The following ANKRD28 variants were observed in gnomAD, a reference collection of about 807,000 sequenced individuals.
ANKRD28 encodes the protein ankyrin repeat domain 28.
In ANKRD28, 44 loss-of-function variants were observed where a neutral mutation model predicts 126.5. That is an observed-to-expected ratio of 0.35 (90% CI 0.27 to 0.45). The LOEUF is 0.45. ANKRD28 is among the 20% of genes least tolerant of loss of function. The pLI is 1.00. For synonymous variants in ANKRD28, 442 were observed against 468.5 expected, an observed-to-expected ratio of 0.94 and a Z score of 0.73; for missense variants, 1,110 against 1,316.6, an observed-to-expected ratio of 0.84 and a Z score of 2.43.
At chr3:15,809,579 G>C (rs1422584479) in intron 1 of ANKRD28, among the ~76,000 whole-genome samples, 1 of 152,194 alleles carries the variant, frequency 6.6e-6, no homozygotes, top group African/African-American at 2.4e-5. Context: ...CACAATCCCA[G>C]TAAGCAAAAA....
intron 3 of ANKRD28, among the ~76,000 whole-genome samples, chr3:15,761,654 C>T (rs1575580026): frequency 6.6e-6 from 1 of 152,058 alleles, no homozygotes; most frequent in African/African-American, 2.4e-5. Context: ...AATTTGGATA[C>T]GATTAGTCTT....
At chr3:15,705,225 AT>A (rs1432024225) in intron 14 of ANKRD28, among the ~76,000 whole-genome samples, 1 of 152,200 alleles carries the variant, frequency 6.6e-6, no homozygotes, top group Admixed American at 6.5e-5. Context: ...AAAACTAGTG[AT>A]TTTAGTACTA....
chr3:15,826,215 A>G (rs1383131512), intron 1 of ANKRD28, among the ~76,000 whole-genome samples: 12 of 152,212 alleles, frequency 7.9e-5, no homozygotes, highest in Non-Finnish European at 1.5e-5. Flanking sequence ...ACAGCAGTTT[A>G]TTTGTATCAG....
In ANKRD28 at chr3:15,763,138, T is replaced by G. The variant is rs1457327682; in HGVS notation, c.280+3096A>C. Reference sequence around the variant, plus strand: ...TCCAGCTAATTTTACTCCAAACCCATGTAAGTTTTTGTTTTATTTTTCCTA... The same window carrying G: ...TCCAGCTAATTTTACTCCAAACCCAGGTAAGTTTTTGTTTTATTTTTCCTA... On this transcript the variant is annotated intron_variant, in intron 3 of 27. Transcript: ENST00000683139. Among the ~76,000 whole-genome samples the G allele has an allele frequency of 3.3e-5, 5 of 152,342 alleles. No homozygotes were observed. The East Asian group carries it at 9.6e-4, about 29-fold the overall frequency.
intron 1 of ANKRD28, among the ~76,000 whole-genome samples, chr3:15,844,454 A>C (rs927995659): frequency 3.3e-5 from 5 of 152,134 alleles, no homozygotes; most frequent in Admixed American, 6.5e-5. Flanking sequence ...CAGAGAAAAA[A>C]AAAACAAAAC....
chr3:15,728,626 A>C (rs1162934898), intron 6 of ANKRD28, among the ~76,000 whole-genome samples: 1 of 152,180 alleles, frequency 6.6e-6, no homozygotes, highest in Admixed American at 6.5e-5. Flanking sequence ...CTGGGAAACC[A>C]AAAAATCTTT....
At chr3:15,723,001 C>A (rs1248805107) in intron 7 of ANKRD28, among the ~76,000 whole-genome samples, 1 of 152,116 alleles carries the variant, frequency 6.6e-6, no homozygotes. Context: ...TAAGTCTGGC[C>A]ACTTATTTTG....
At chr3:15,718,271 C>T (rs1033707132) in intron 8 of ANKRD28, among the ~76,000 whole-genome samples, 6 of 152,130 alleles carry the variant, frequency 3.9e-5, no homozygotes, top group Admixed American at 2.0e-4. Flanking sequence ...ATGTCATACA[C>T]CCTTAGGTGA....
At chr3:15,687,229 C>T (rs1319229423) in intron 18 of ANKRD28, among the ~76,000 whole-genome samples, 1 of 152,084 alleles carries the variant, frequency 6.6e-6, no homozygotes, top group Non-Finnish European at 1.5e-5. Flanking sequence ...AGGCATGAGC[C>T]ACCGTGCCCA....
chr3:15,670,170 T>C lies in ANKRD28; in HGVS notation c.*100A>G. ...TTAACATTGGCTCACTGTGGGATCT[T>C]TCCTCTTAGGTTGAATTTCTACGTG... On this transcript the variant is annotated 3_prime_UTR_variant, in exon 28 of 28. Coordinates refer to ENST00000683139, the MANE Select transcript of ANKRD28 (RefSeq NM_001349278.2). The C allele has an allele frequency of 1.5e-6, 2 of 1,344,164 alleles. No homozygotes were observed. The highest frequency in any genetic ancestry group is 1.0e-6 in the Non-Finnish European group (1 of 988,144). 83.3% of individuals were successfully genotyped at this position (1,344,164 alleles called of 1,614,324 possible).
At chr3:15,813,103 C>T (rs1463888640) in intron 1 of ANKRD28, among the ~76,000 whole-genome samples, 1 of 150,576 alleles carries the variant, frequency 6.6e-6, no homozygotes, top group Non-Finnish European at 1.5e-5. Flanking sequence ...ATGGCTCAGG[C>T]CTGTAATCCT....
intron 2 of ANKRD28, among the ~76,000 whole-genome samples, chr3:15,774,933 GC>G (rs2059185587): frequency 6.6e-6 from 1 of 152,228 alleles, no homozygotes; most frequent in Non-Finnish European, 1.5e-5. Flanking sequence ...CTGGAGTGCA[GC>G]AGCACAATCT....
At chr3:15,759,149 G>A (rs2058325052) in intron 3 of ANKRD28, among the ~76,000 whole-genome samples, 1 of 152,172 alleles carries the variant, frequency 6.6e-6, no homozygotes, top group Admixed American at 6.5e-5. Context: ...GGTTGGGGGA[G>A]GAGGGTGGAA....
In ANKRD28 at chr3:15,691,838, G is replaced by T. The variant is rs111790122; in HGVS notation, c.1762-1618C>A. On this transcript the variant is annotated intron_variant, in intron 17 of 27. Transcript: ENST00000683139. ...TTAAATATAAAAGACAATATAAAAA[G>T]AAGAGTTTAGCCAGTTGTGGTGGCT... Among the ~76,000 whole-genome samples, 546 of 152,214 alleles carry T rather than the reference G, an allele frequency of 3.6e-3. 7 individuals are homozygous for T. Among genetic ancestry groups the T allele is most frequent in the African/African-American group, 0.013 (527 of 41,542 alleles).
chr3:15,824,407 C>T (rs1043357862), intron 1 of ANKRD28, among the ~76,000 whole-genome samples: 6 of 152,200 alleles, frequency 3.9e-5, no homozygotes, highest in South Asian at 4.1e-4. Context: ...CTGCCTGCCT[C>T]GGCCTCCCAT....
intron 1 of ANKRD28, among the ~76,000 whole-genome samples, chr3:15,852,413 A>G (rs1324198948): frequency 6.6e-6 from 1 of 152,230 alleles, no homozygotes; most frequent in Non-Finnish European, 1.5e-5. Flanking sequence ...GCCTTTTTAA[A>G]GTATTTTAAC....
intron 3 of ANKRD28, among the ~76,000 whole-genome samples, chr3:15,761,938 C>G (rs540152529): frequency 3.1e-3 from 477 of 152,134 alleles, no homozygotes; most frequent in Non-Finnish European, 4.8e-3. Context: ...GTAATCCCAG[C>G]ACTTTGGGAG....
chr3:15,796,511 A>G lies in ANKRD28; in HGVS notation c.11T>C (p.Val4Ala), dbSNP rs927199955. Residue 4 changes from valine to alanine, a missense_variant, in exon 1 of 28, where the codon GTG becomes GCG. By Grantham distance (64) the Val-to-Ala change is moderately conservative. Coordinates refer to ENST00000683139, the MANE Select transcript of ANKRD28 (RefSeq NM_001349278.2). The part of the protein sequence containing the change: MSR[V>A]CIVVLEEVED... ...TACCTCCTCCAAAACAACAATACACACTCGACTCATTCGATCTTTTAAAAC... is the reference window on the plus strand; with the variant it reads ...TACCTCCTCCAAAACAACAATACACGCTCGACTCATTCGATCTTTTAAAAC... The G allele has an allele frequency of 1.6e-6, 2 of 1,285,148 alleles. No individual in the cohort carries two copies. Among genetic ancestry groups the G allele is most frequent in the Non-Finnish European group, 2.0e-6 (2 of 986,612 alleles). The allele number at this position is 1,285,148 out of a possible 1,614,324, so 79.6% of individuals were successfully genotyped here.
upstream of ANKRD28, among the ~76,000 whole-genome samples, chr3:15,800,900 C>T (rs1036814538): frequency 1.3e-5 from 2 of 152,078 alleles, no homozygotes; most frequent in Non-Finnish European, 2.9e-5. Flanking sequence ...TTTGTGTCTT[C>T]TTCTATTGAA....
Sources: allele counts gnomAD v4.1 joint callset (sites outside exome capture counted in the v4.1 genomes callset), GRCh38; gene constraint gnomAD v4.1.1; transcripts MANE v1.5; gene names NCBI Gene and HGNC (gene_info 2026-07-23, HGNC 2026-07-21).